The following RABGAP1 variants were observed in gnomAD, a reference collection of about 807,000 sequenced individuals.
RABGAP1 encodes RAB GTPase activating protein 1, also known as rab GTPase-activating protein 1.
Under a neutral mutation model 137.6 loss-of-function variants are expected in RABGAP1, and 23 were observed. That is an observed-to-expected ratio of 0.17 (90% CI 0.12 to 0.24). RABGAP1 has a LOEUF of 0.24. Among genes scored for constraint, RABGAP1 ranks in the 10% least tolerant of loss-of-function variants. The pLI, the probability that RABGAP1 is intolerant of heterozygous loss-of-function variation, is 1.00. For synonymous variants in RABGAP1, 451 were observed against 450.7 expected, an observed-to-expected ratio of 1.00 and a Z score of -0.01; for missense variants, 906 against 1,275.8, an observed-to-expected ratio of 0.71 and a Z score of 4.42.
intron 11 of RABGAP1, among the ~76,000 whole-genome samples, chr9:123,015,268 A>G (rs544645873): frequency 2.9e-4 from 42 of 145,532 alleles, no homozygotes; most frequent in Middle Eastern, 3.7e-3. Flanking sequence ...TGAATCCTAT[A>G]GTTTTATAAT....
intron 13 of RABGAP1, among the ~76,000 whole-genome samples, chr9:123,061,338 C>G (rs1179952511): frequency 6.6e-6 from 1 of 152,232 alleles, no homozygotes; most frequent in Non-Finnish European, 1.5e-5. Context: ...TGGTCTCAAT[C>G]TCCTGGGCTC....
At chr9:122,942,734 G>A (rs552966164) in intron 1 of RABGAP1, among the ~76,000 whole-genome samples, 24 of 149,172 alleles carry the variant, frequency 1.6e-4, no homozygotes, top group African/African-American at 5.6e-4. Flanking sequence ...AAATCTTCCT[G>A]TGTAGAGTTC....
intron 13 of RABGAP1, among the ~76,000 whole-genome samples, chr9:123,059,543 A>T (rs2132098392): frequency 6.6e-6 from 1 of 152,264 alleles, no homozygotes; most frequent in Non-Finnish European, 1.5e-5. Flanking sequence ...TGACAGAGCG[A>T]TACTCCGTCT....
intron 13 of RABGAP1, among the ~76,000 whole-genome samples, chr9:123,061,186 T>C (rs1381804807): frequency 1.3e-5 from 2 of 152,186 alleles, no homozygotes; most frequent in African/African-American, 4.8e-5. Flanking sequence ...TGGCACAGTC[T>C]TGGCTCACTG....
chr9:123,089,985 C>G (rs1588404060), intron 20 of RABGAP1, 135 bp downstream of exon 20: 1 of 814,852 alleles, frequency 1.2e-6, no homozygotes, highest in African/African-American at 1.7e-5. Context: ...TGCAAATTAG[C>G]AAGCAAGATC....
intron 11 of RABGAP1, among the ~76,000 whole-genome samples, chr9:123,013,803 G>C (rs923578911): frequency 1.3e-5 from 2 of 152,174 alleles, no homozygotes; most frequent in Admixed American, 6.5e-5. Flanking sequence ...AGTGCTTTCA[G>C]ATGATTGCTG....
chr9:122,961,701 G>A (rs1834860607), intron 2 of RABGAP1, among the ~76,000 whole-genome samples: 1 of 152,090 alleles, frequency 6.6e-6, no homozygotes, highest in Admixed American at 6.6e-5. Flanking sequence ...GCACTTAATA[G>A]CTGTAAAGTT....
chr9:123,099,690 T>C (rs780170555), intron 24 of RABGAP1, 141 bp downstream of exon 24: 36 of 672,728 alleles, frequency 5.4e-5, no homozygotes, highest in African/African-American at 7.2e-5. Flanking sequence ...CCTGGCTCAG[T>C]AGTTGACAAC....
chr9:123,101,533 C>T, intron 24 of RABGAP1, 33 bp from the exon 25 acceptor site: 1 of 1,596,952 alleles, frequency 6.3e-7, no homozygotes, highest in Middle Eastern at 1.7e-4. Context: ...AGTTCCTCTT[C>T]TTTGCCTCTT....
At chr9:122,962,975 G>C (rs1441175263) in intron 2 of RABGAP1, among the ~76,000 whole-genome samples, 1 of 152,196 alleles carries the variant, frequency 6.6e-6, no homozygotes, top group Non-Finnish European at 1.5e-5. Flanking sequence ...AACTTTACTA[G>C]AGGTAATATA....
chr9:122,935,697 T>C, the RABGAP1 span, among the ~76,000 whole-genome samples: 2 of 152,218 alleles, frequency 1.3e-5, no homozygotes, highest in African/African-American at 4.8e-5. Flanking sequence ...AAAAGTGGAG[T>C]TACAAATCAT....
In RABGAP1 at chr9:123,062,686, A is replaced by T. The variant is rs564958767; in HGVS notation, c.1795-2662A>T. 2.6e-5 allele frequency: 4 copies of T among 152,280 alleles called. No individual in the cohort carries two copies. The South Asian group carries it at 8.3e-4, about 32-fold the overall frequency. The allele number at this position is 152,280 out of a possible 1,614,324, so 9.4% of individuals were successfully genotyped here. On this transcript the variant is annotated intron_variant, in intron 13 of 25. Transcript: ENST00000373647. Reference sequence around the variant, plus strand: ...TAATTCCATGATTAATGGATATGGGATGGCAAATTGACAAGAACTGGCCCA... The same window carrying T: ...TAATTCCATGATTAATGGATATGGGTTGGCAAATTGACAAGAACTGGCCCA...
intron 19 of RABGAP1, among the ~76,000 whole-genome samples, chr9:123,084,816 CTGT>C: frequency 6.6e-6 from 1 of 152,292 alleles, no homozygotes; most frequent in East Asian, 1.9e-4. Flanking sequence ...TTCATAAGGA[CTGT>C]TAACGATTTT....
chr9:123,007,469 C>T (rs1467410296), intron 10 of RABGAP1, among the ~76,000 whole-genome samples: 1 of 150,850 alleles, frequency 6.6e-6, no homozygotes, highest in East Asian at 1.9e-4. Flanking sequence ...CCTCTGCCTC[C>T]CGGGCCCAAG....
At position 123,070,092 on chromosome 9, in the gene RABGAP1, T is replaced by G. The variant is rs938751600; in HGVS notation, c.1909-258T>G. Among the ~76,000 whole-genome samples the G allele has an allele frequency of 6.6e-6, 1 of 151,898 alleles. No homozygotes were observed. The highest frequency in any genetic ancestry group is 2.4e-5 in the African/African-American group (1 of 41,322). On this transcript the variant is annotated intron_variant, in intron 14 of 25. Transcript: ENST00000373647. The surrounding 1 kb of genome is among the most constrained non-coding windows in gnomAD (Gnocchi z 4.4). ...TGAACAACAACAAGGAAATACGAAGTTTTTTTTAGCGCAGAAGTGGTTTTT... is the reference window on the plus strand; with the variant it reads ...TGAACAACAACAAGGAAATACGAAGGTTTTTTTAGCGCAGAAGTGGTTTTT...
At chr9:123,096,574 TTC>T (rs1491331938) in intron 21 of RABGAP1, among the ~76,000 whole-genome samples, 2 of 152,210 alleles carry the variant, frequency 1.3e-5, no homozygotes, top group Non-Finnish European at 2.9e-5. Flanking sequence ...CCACCTTTTT[TTC>T]TCTCTCTTTT....
Position 122,969,569 on chromosome 9 carries a change from A to G in RABGAP1, c.150+12360A>G, listed in dbSNP as rs370595297. On this transcript the variant is annotated intron_variant, in intron 2 of 25. Coordinates refer to ENST00000373647, the MANE Select transcript of RABGAP1 (RefSeq NM_012197.4). ...AAGGTATAATAGTGTTACTGGAGAT[A>G]TCTTGCGCAGTGGTCCTCTCCTTTT... is the stretch of plus-strand genomic sequence containing the variant. Among the ~76,000 whole-genome samples the G allele has an allele frequency of 1.3e-4, 20 of 152,278 alleles. No homozygotes were observed. In the East Asian group the frequency reaches 2.5e-3, roughly 19 times the overall value.
chr9:123,011,680 A>G (rs148539192), intron 11 of RABGAP1, among the ~76,000 whole-genome samples: 1 of 152,328 alleles, frequency 6.6e-6, no homozygotes, highest in East Asian at 1.9e-4. Flanking sequence ...GAATCTGGCC[A>G]GGCACGGTGG....
At chr9:123,063,138 G>A (rs1021206802) in intron 13 of RABGAP1, 11 of 152,272 alleles carry the variant, frequency 7.2e-5, no homozygotes, top group African/African-American at 2.2e-4. Context: ...TGTCATCTCC[G>A]TAATCAGTGT....
Sources: allele counts gnomAD v4.1 joint callset (sites outside exome capture counted in the v4.1 genomes callset), GRCh38; gene constraint gnomAD v4.1.1; non-coding constraint Gnocchi (gnomAD v3.1); transcripts MANE v1.5; gene names NCBI Gene and HGNC (gene_info 2026-07-23, HGNC 2026-07-21).